The following HNRNPM variants were observed in gnomAD, a reference collection of about 807,000 sequenced individuals.
HNRNPM encodes CEA receptor.
HNRNPM carries 11 observed loss-of-function variants against 73.1 expected under a neutral mutation model. The observed-to-expected ratio is 0.15, with a 90% CI of 0.09 to 0.25. The LOEUF is 0.25. Among genes scored for constraint, HNRNPM ranks in the 10% least tolerant of loss-of-function variants. The pLI, the probability that HNRNPM is intolerant of heterozygous loss-of-function variation, is 1.00. For synonymous variants in HNRNPM, 407 were observed against 355.2 expected, an observed-to-expected ratio of 1.15 and a Z score of -1.64; for missense variants, 789 against 1,067.9, an observed-to-expected ratio of 0.74 and a Z score of 3.64.
chr19:8,456,733 A>G (rs984086492), intron 2 of HNRNPM, among the ~76,000 whole-genome samples: 13 of 152,206 alleles, frequency 8.5e-5, no homozygotes, highest in East Asian at 3.8e-4. Context: ...AAGAAGCACT[A>G]GGCACTGTGA....
intron 12 of HNRNPM, chr19:8,481,436 A>T (rs1321825929): frequency 6.6e-6 from 1 of 152,478 alleles, no homozygotes; most frequent in African/African-American, 2.4e-5. Flanking sequence ...GGGGAGGAGC[A>T]TGGGCAGAAC....
intron 14 of HNRNPM, among the ~76,000 whole-genome samples, chr19:8,486,741 C>G (rs1198428924): frequency 1.3e-5 from 2 of 152,324 alleles, no homozygotes; most frequent in African/African-American, 4.8e-5. Flanking sequence ...GCTCAGCCAC[C>G]CTTAGCCACT....
rs57275898 is a variant in HNRNPM at position 8,473,459 on chromosome 19, T to TA, written c.998-191dup. 2.2e-3 allele frequency among the ~76,000 whole-genome samples: 314 copies of TA among 144,160 alleles called. 2 individuals carry two copies. The East Asian group carries it at 0.024, about 11-fold the overall frequency. 94.6% of individuals were successfully genotyped at this position (144,160 alleles called of 152,430 possible). ...CTGGGTGACAGAGCAATACTGTGTT[T>TA]AAAAAAAAAAAAAATAGCTATATGA... On this transcript the variant is annotated intron_variant, in intron 10 of 15. Coordinates refer to ENST00000325495, the MANE Select transcript of HNRNPM (RefSeq NM_005968.5).
Position 8,445,011 on chromosome 19 carries a change from G to T in HNRNPM, c.13G>T (p.Val5Phe), listed in dbSNP as rs920642934. ...AGACGCGGAGAAAATGGCGGCAGGG[G>T]TCGAAGCGGCGGCGGAGGTGGCGGC... MAAGVEAAAEVAATE... is the reference protein window; with the variant it reads MAAGFEAAAEVAATE... Residue 5 changes from valine to phenylalanine, a missense_variant, in exon 1 of 16, where the codon GTC becomes TTC. Physicochemically the swap from Val to Phe is conservative, Grantham distance 50 (BLOSUM62 -1). This residue lies in a region of HNRNPM where 79 missense variants were observed against 70.7 expected (regional missense o/e 1.12). Coordinates refer to ENST00000325495, the MANE Select transcript of HNRNPM (RefSeq NM_005968.5). 1.4e-6 allele frequency: 2 copies of T among 1,425,280 alleles called. No individual in the cohort carries two copies. Among genetic ancestry groups the T allele is most frequent in the East Asian group, 5.7e-5 (2 of 34,870 alleles). 88.3% of individuals were successfully genotyped at this position (1,425,280 alleles called of 1,614,324 possible). A position where few individuals can be genotyped will look rare whatever the true frequency, so the allele number is the denominator to read the frequency against.
chr19:8,445,148 T>C, intron 1 of HNRNPM, 37 bp downstream of exon 1: 1 of 1,351,254 alleles, frequency 7.4e-7, no homozygotes, highest in Non-Finnish European at 9.6e-7. Flanking sequence ...GGGTAAGGGT[T>C]CCTCTCCGCG....
chr19:8,456,338 G>A lies in HNRNPM; in HGVS notation c.283+764G>A, dbSNP rs8108615. On this transcript the variant is annotated intron_variant, in intron 2 of 15. Coordinates refer to ENST00000325495, the MANE Select transcript of HNRNPM (RefSeq NM_005968.5). ...CCTCTCTCTCTCCTTCTTCCCTCCT[G>A]TGCTGCTATCGTCTTCCTTTCTTTC... is the stretch of plus-strand genomic sequence containing the variant. 6.8e-3 allele frequency among the ~76,000 whole-genome samples: 1,037 copies of A among 152,306 alleles called. 10 individuals are homozygous for A. The highest frequency in any genetic ancestry group is 0.019 in the South Asian group (93 of 4,832).
intron 15 of HNRNPM, 42 bp from the exon 16 acceptor site, chr19:8,488,649 A>C: frequency 6.3e-7 from 1 of 1,581,116 alleles, no homozygotes; most frequent in Non-Finnish European, 8.6e-7. Flanking sequence ...AATCTAACAA[A>C]ATCGGGACTG....
At chr19:8,479,870 G>A (rs1348376163) in intron 12 of HNRNPM, among the ~76,000 whole-genome samples, 1 of 146,278 alleles carries the variant, frequency 6.8e-6, no homozygotes, top group Non-Finnish European at 1.5e-5. Context: ...TGCCCCTCCA[G>A]GTTTAAGCTG....
chr19:8,481,709 G>A (rs1350516285), intron 12 of HNRNPM, among the ~76,000 whole-genome samples: 7 of 152,132 alleles, frequency 4.6e-5, no homozygotes, highest in Non-Finnish European at 8.8e-5. Flanking sequence ...ATGGTTTCAG[G>A]CTGCCAAAAA....
At chr19:8,474,305 G>T in intron 12 of HNRNPM, 61 bp downstream of exon 12, 1 of 1,260,556 alleles carries the variant, frequency 7.9e-7, no homozygotes, top group African/African-American at 1.5e-5. Flanking sequence ...CCTCTCAGGT[G>T]ACTTTTAGGC....
In HNRNPM at chr19:8,474,206, G is replaced by A; in HGVS notation, c.1082G>A (p.Gly361Asp). Residue 361 changes from glycine to aspartate, a missense_variant, in exon 12 of 16, where the codon GGT becomes GAT. Transcript: ENST00000325495. Reference protein sequence around the residue: ...GPFGGGMENMGRFGSGMNMGR... With the variant: ...GPFGGGMENMDRFGSGMNMGR... ...TTTGGTGGTGGTATGGAAAACATGGGTCGATTTGGATCTGGGATGAACATG... is the reference window on the plus strand; with the variant it reads ...TTTGGTGGTGGTATGGAAAACATGGATCGATTTGGATCTGGGATGAACATG... The A allele has an allele frequency of 2.5e-6, 4 of 1,598,112 alleles. No homozygotes were observed. The highest frequency in any genetic ancestry group is 3.4e-6 in the Non-Finnish European group (4 of 1,173,442).
rs192276354 is a variant in HNRNPM at position 8,454,271 on chromosome 19, T to C, written c.114-1134T>C. Among the ~76,000 whole-genome samples, 326 of 152,338 alleles carry C rather than the reference T, an allele frequency of 2.1e-3. 1 individual carries two copies. The highest frequency in any genetic ancestry group is 7.5e-3 in the African/African-American group (311 of 41,568). ...CCCTAGGCCCAGGTAACCTCTGTTC[T>C]ACTTTCTGTGTATGGATTTGCTTAT... On this transcript the variant is annotated intron_variant, in intron 1 of 15. Transcript: ENST00000325495.
At chr19:8,470,208 C>T (rs1480363994) in intron 9 of HNRNPM, among the ~76,000 whole-genome samples, 1 of 152,224 alleles carries the variant, frequency 6.6e-6, no homozygotes, top group African/African-American at 2.4e-5. Flanking sequence ...CCGTGGCGAT[C>T]TCTTGCTGCT....
At chr19:8,480,107 G>T (rs1970804895) in intron 12 of HNRNPM, among the ~76,000 whole-genome samples, 1 of 141,988 alleles carries the variant, frequency 7.0e-6, no homozygotes, top group African/African-American at 2.6e-5. Context: ...GCCGGGCGCG[G>T]TGGCTCATGC....
intron 2 of HNRNPM, among the ~76,000 whole-genome samples, chr19:8,456,110 T>C (rs780264273): frequency 1.5e-4 from 23 of 152,140 alleles, no homozygotes; most frequent in Non-Finnish European, 3.2e-4. Flanking sequence ...TTTTCCCCTC[T>C]GGGAAAAAAT....
intron 2 of HNRNPM, 84 bp downstream of exon 2, chr19:8,455,658 T>C: frequency 9.0e-7 from 1 of 1,105,908 alleles, no homozygotes; most frequent in Non-Finnish European, 1.3e-6. Flanking sequence ...TTTTGGTCAG[T>C]GGAAGCGGCT....
intron 12 of HNRNPM, among the ~76,000 whole-genome samples, chr19:8,476,250 A>G (rs1970498757): frequency 6.6e-6 from 1 of 152,142 alleles, no homozygotes; most frequent in Non-Finnish European, 1.5e-5. Flanking sequence ...ACTCCTTCCC[A>G]CTTGACCAGC....
At position 8,456,764 on chromosome 19, in the gene HNRNPM, G is replaced by A. The variant is rs533150727; in HGVS notation, c.283+1190G>A. Among the ~76,000 whole-genome samples, 9 of 152,280 alleles carry A rather than the reference G, an allele frequency of 5.9e-5. 1 individual carries two copies. Among genetic ancestry groups the A allele is most frequent in the Admixed American group, 5.2e-4 (8 of 15,296 alleles). ...TGTGAACCTCTCCGTACAGTCACGC[G>A]TGCTGCTCCCACGTGGCATTTCTCC... On this transcript the variant is annotated intron_variant, in intron 2 of 15. Coordinates refer to ENST00000325495, the MANE Select transcript of HNRNPM (RefSeq NM_005968.5).
rs76210655 is a variant in HNRNPM, at chr19:8,457,994, G to T, written c.283+2420G>T. ...CTGATGAATCTTAGCCTTGTTTCAG[G>T]AAATGAGTAGAACAAGAACTGGAAT... On this transcript the variant is annotated intron_variant, in intron 2 of 15. Coordinates refer to ENST00000325495, the MANE Select transcript of HNRNPM (RefSeq NM_005968.5). Among the ~76,000 whole-genome samples, 1,034 of 152,240 alleles carry T rather than the reference G, an allele frequency of 6.8e-3. 10 individuals are homozygous for T. The highest frequency in any genetic ancestry group is 0.019 in the South Asian group (93 of 4,816).
Sources: allele counts gnomAD v4.1 joint callset (sites outside exome capture counted in the v4.1 genomes callset), GRCh38; gene constraint gnomAD v4.1.1; regional missense constraint gnomAD v4.1.1; transcripts MANE v1.5; gene names NCBI Gene and HGNC (gene_info 2026-07-23, HGNC 2026-07-21).